The following ST3GAL2 variants were observed in gnomAD, a reference collection of about 807,000 sequenced individuals.
ST3GAL2 encodes CMP-N-acetylneuraminate-beta-galactosamide-alpha-2,3-sialyltransferase 2.
A neutral mutation model predicts 37.5 loss-of-function variants in ST3GAL2; 16 were observed. The ratio of observed to expected loss-of-function variants is 0.43; its 90% CI spans 0.29 to 0.65. The LOEUF is 0.65. Among genes scored for constraint, ST3GAL2 ranks in the 30% least tolerant of loss-of-function variants. ST3GAL2 has a pLI of 0.17. For synonymous variants in ST3GAL2, 238 were observed against 202.9 expected (o/e 1.17, Z -1.47); for missense variants, 383 against 487.8 (o/e 0.79, Z 2.02).
At chr16:70,401,408 G>C in intron 1 of ST3GAL2, among the ~76,000 whole-genome samples, 1 of 152,194 alleles carries the variant, frequency 6.6e-6, no homozygotes, top group Non-Finnish European at 1.5e-5. Flanking sequence ...AAAGAGCAGA[G>C]AAGTAGAGCA....
chr16:70,413,658 C>A (rs1341775116), intron 1 of ST3GAL2, among the ~76,000 whole-genome samples: 1 of 150,632 alleles, frequency 6.6e-6, no homozygotes, highest in African/African-American at 2.4e-5. Context: ...ATTGCTTGAG[C>A]CCAGGAAGCG....
intron 1 of ST3GAL2, among the ~76,000 whole-genome samples, chr16:70,435,865 C>A (rs540753834): frequency 1.3e-5 from 2 of 151,976 alleles, no homozygotes; most frequent in Non-Finnish European, 2.9e-5. Context: ...GAGTAGCTCA[C>A]GCCTCTAATC....
At position 70,405,045 on chromosome 16, in the gene ST3GAL2, A is replaced by C. The variant is rs1049623951; in HGVS notation, c.-1003-5512T>G. ...AGACTCCATCTCAAAAAAAAAAAAAAAACACCTCATACACAAATGATTTAT... is the reference window on the plus strand; with the variant it reads ...AGACTCCATCTCAAAAAAAAAAAAACAACACCTCATACACAAATGATTTAT... On this transcript the variant is annotated intron_variant, in intron 1 of 6. Coordinates refer to ENST00000342907, the MANE Select transcript of ST3GAL2 (RefSeq NM_006927.4). Among the ~76,000 whole-genome samples, 6 of 152,134 alleles carry C rather than the reference A, an allele frequency of 3.9e-5. No homozygotes were observed. In the South Asian group the frequency reaches 1.2e-3, roughly 32 times the overall value.
intron 3 of ST3GAL2, among the ~76,000 whole-genome samples, chr16:70,392,951 A>G (rs1232016006): frequency 6.6e-6 from 1 of 152,124 alleles, no homozygotes; most frequent in East Asian, 1.9e-4. Flanking sequence ...AGCCCAGCTT[A>G]TCCACTGCCA....
In ST3GAL2 at chr16:70,398,237, G is replaced by A; in HGVS notation, c.294C>T (p.Thr98=). The change falls in exon 2 of 7, where the codon ACC becomes ACT. Residue 98 remains threonine, a synonymous_variant. Transcript: ENST00000342907. ...HFDGNISPVW[T]RENMDLPPDV... is the part of the protein sequence containing the mutation. The stretch of plus-strand genomic sequence containing the variant: ...CCGGTGGAAGATCCATGTTCTCTCG[G>A]GTCCAGACGGGGGAAATGTTACCGT... The A allele has an allele frequency of 6.2e-7, 1 of 1,613,432 alleles. No homozygotes were observed.
rs1024746092 is a variant in ST3GAL2, at chr16:70,381,646, G to A, written c.*43C>T. Reference sequence around the variant, plus strand: ...GTCCTGGGTCCCGGGCCGGAGCCCCGGTGCCCGATAGATGGGCCGGAAGGG... The same window carrying A: ...GTCCTGGGTCCCGGGCCGGAGCCCCAGTGCCCGATAGATGGGCCGGAAGGG... On this transcript the variant is annotated 3_prime_UTR_variant, in exon 7 of 7. Coordinates refer to ENST00000342907, the MANE Select transcript of ST3GAL2 (RefSeq NM_006927.4). The A allele has an allele frequency of 1.3e-6, 2 of 1,598,560 alleles. No homozygotes were observed. The highest frequency in any genetic ancestry group is 1.1e-5 in the South Asian group (1 of 90,140).
chr16:70,401,931 T>C, intron 1 of ST3GAL2, among the ~76,000 whole-genome samples: 1 of 146,434 alleles, frequency 6.8e-6, no homozygotes, highest in East Asian at 2.0e-4. Flanking sequence ...GAGGCGGAGG[T>C]TGCAGTGCGC....
chr16:70,415,858 C>T (rs1350965663), intron 1 of ST3GAL2, among the ~76,000 whole-genome samples: 3 of 150,282 alleles, frequency 2.0e-5, no homozygotes, highest in African/African-American at 7.4e-5. Context: ...TCACCGCAAC[C>T]TCCGCCTCCC....
At chr16:70,432,811 T>A (rs1391021080) in intron 1 of ST3GAL2, among the ~76,000 whole-genome samples, 1 of 152,134 alleles carries the variant, frequency 6.6e-6, no homozygotes, top group Non-Finnish European at 1.5e-5. Context: ...CTCAGGTGTG[T>A]GGGACGGAAG....
At chr16:70,413,175 G>C (rs2047650928) in intron 1 of ST3GAL2, among the ~76,000 whole-genome samples, 1 of 151,920 alleles carries the variant, frequency 6.6e-6, no homozygotes, top group Non-Finnish European at 1.5e-5. Context: ...ACTTGAACCT[G>C]GAAGGCGGAG....
chr16:70,389,380 T>C (rs556317399), intron 3 of ST3GAL2, among the ~76,000 whole-genome samples: 59 of 152,024 alleles, frequency 3.9e-4, no homozygotes, highest in Non-Finnish European at 6.0e-4. Context: ...CTCGGCTCAC[T>C]GCAATCCCCG....
intron 1 of ST3GAL2, among the ~76,000 whole-genome samples, chr16:70,435,103 C>A (rs2047816216): frequency 6.6e-6 from 1 of 152,196 alleles, no homozygotes; most frequent in African/African-American, 2.4e-5. Context: ...GATATCTTCA[C>A]ACAGCCACCC....
intron 2 of ST3GAL2, among the ~76,000 whole-genome samples, chr16:70,397,079 T>C (rs2047522068): frequency 6.7e-6 from 1 of 148,972 alleles, no homozygotes; most frequent in South Asian, 2.1e-4. Flanking sequence ...TCTCACTTTG[T>C]TGCCCAGCTG....
intron 1 of ST3GAL2, among the ~76,000 whole-genome samples, chr16:70,412,874 G>A (rs749068075): frequency 4.0e-5 from 6 of 151,488 alleles, no homozygotes; most frequent in East Asian, 3.9e-4. Flanking sequence ...TGGCAAAACC[G>A]CGTCTCTATA....
intron 4 of ST3GAL2, among the ~76,000 whole-genome samples, chr16:70,386,428 G>C (rs1440327052): frequency 6.6e-6 from 1 of 151,912 alleles, no homozygotes; most frequent in Non-Finnish European, 1.5e-5. Context: ...TCCTTACCTT[G>C]TGATCCGCCC....
chr16:70,398,554 C>A lies in ST3GAL2; in HGVS notation c.-24G>T. On this transcript the variant is annotated 5_prime_UTR_variant, in exon 2 of 7. An upstream open reading frame in the 5' UTR loses its in-frame stop. Coordinates refer to ENST00000342907, the MANE Select transcript of ST3GAL2 (RefSeq NM_006927.4). The stretch of plus-strand genomic sequence containing the variant: ...ATGGTGCCGGCAGGCGGGTGACGGT[C>A]ACCGTGGCCACTCTTTTCCCAGCCC... The A allele has an allele frequency of 1.9e-6, 3 of 1,553,504 alleles. No individual in the cohort carries two copies. The South Asian group carries it at 3.5e-5, about 18-fold the overall frequency.
chr16:70,421,696 C>T (rs60011151), intron 1 of ST3GAL2, among the ~76,000 whole-genome samples: 12,315 of 152,166 alleles, frequency 0.081, 1,659 homozygotes, highest in African/African-American at 0.28. Context: ...CCCACCCCTC[C>T]TTGAGACAAG....
At position 70,388,396 on chromosome 16, in the gene ST3GAL2, G is replaced by A; in HGVS notation, c.684C>T (p.Ala228=). Residue 228 remains alanine (A), a synonymous_variant, in exon 4 of 7, where the codon GCC becomes GCT. Coordinates refer to ENST00000342907, the MANE Select transcript of ST3GAL2 (RefSeq NM_006927.4). ...GGATCTGCCCCGTGGACAAGGCGCT[G>A]GCGATCCACAGAAGGTCCAGGACCT... The part of the protein sequence containing the change: ...PFKVLDLLWI[A]SALSTGQIRF... 1.2e-6 allele frequency: 2 copies of A among 1,614,194 alleles called. No homozygotes were observed. The highest frequency in any genetic ancestry group is 8.5e-7 in the Non-Finnish European group (1 of 1,180,038).
intron 1 of ST3GAL2, among the ~76,000 whole-genome samples, chr16:70,437,990 C>G (rs956952822): frequency 6.6e-6 from 1 of 152,228 alleles, no homozygotes; most frequent in Non-Finnish European, 1.5e-5. Flanking sequence ...TCTCTAGCCC[C>G]TTTCTCCAAC....
Sources: gnomAD v4.1 joint callset for allele counts (sites outside exome capture counted in the v4.1 genomes callset) on GRCh38, gnomAD v4.1.1 for gene constraint, MANE v1.5 for transcripts, NCBI Gene and HGNC (gene_info 2026-07-23, HGNC 2026-07-21) for gene names.